Variants in SPATA16 observed in about 807,000 individuals in gnomAD.
The protein encoded by SPATA16 is spermatogenesis-associated protein 16.
A neutral mutation model predicts 63.3 loss-of-function variants in SPATA16; 36 were observed. The observed-to-expected ratio is 0.57, with a 90% confidence interval of 0.44 to 0.75. SPATA16 has a LOEUF of 0.75. Among genes scored for constraint, SPATA16 ranks in the 30% least tolerant of loss-of-function variants. The pLI is 0.00. For missense variants in SPATA16, 646 were observed against 679.3 expected (o/e 0.95, Z 0.54); for synonymous variants, 203 against 216.7 (o/e 0.94, Z 0.56).
chr3:173,006,894 G>T (rs1452454068), intron 4 of SPATA16, among the ~76,000 whole-genome samples: 2 of 151,898 alleles, frequency 1.3e-5, no homozygotes, highest in Non-Finnish European at 2.9e-5. Context: ...ATGGAACAAG[G>T]TATCTTGATA....
chr3:172,907,280 C>G (rs1421325705), intron 10 of SPATA16, among the ~76,000 whole-genome samples: 2 of 152,174 alleles, frequency 1.3e-5, no homozygotes, highest in Admixed American at 6.6e-5. Context: ...TAGTCTCCCT[C>G]TAAATCAGCC....
chr3:172,910,928 G>C (rs1041911034), intron 10 of SPATA16, among the ~76,000 whole-genome samples: 1 of 152,154 alleles, frequency 6.6e-6, no homozygotes, highest in South Asian at 2.1e-4. Flanking sequence ...GTGCACTTTC[G>C]TGCCAGTTGT....
At chr3:173,054,889 A>G (rs1399852279) in intron 2 of SPATA16, among the ~76,000 whole-genome samples, 2 of 152,206 alleles carry the variant, frequency 1.3e-5, no homozygotes, top group Non-Finnish European at 2.9e-5. Context: ...CCTCAACACA[A>G]TGAGAAAACT....
At chr3:172,905,752 T>C (rs1196254227) in intron 10 of SPATA16, among the ~76,000 whole-genome samples, 1 of 150,256 alleles carries the variant, frequency 6.7e-6, no homozygotes, top group East Asian at 1.9e-4. Context: ...TAAATTCATA[T>C]GGATGGTTTA....
chr3:173,060,084 C>T (rs1040517307), intron 2 of SPATA16, among the ~76,000 whole-genome samples: 6 of 151,574 alleles, frequency 4.0e-5, no homozygotes, highest in African/African-American at 7.3e-5. Context: ...TGGTGAAACC[C>T]GGTCTCTACT....
chr3:172,951,928 A>G (rs1334885735), intron 6 of SPATA16, among the ~76,000 whole-genome samples: 1 of 152,174 alleles, frequency 6.6e-6, no homozygotes, highest in Non-Finnish European at 1.5e-5. Context: ...AGATTGTACG[A>G]CCTTCATCTG....
intron 1 of SPATA16, among the ~76,000 whole-genome samples, chr3:173,128,978 A>G (rs1738300552): frequency 6.6e-6 from 1 of 152,248 alleles, no homozygotes; most frequent in Non-Finnish European, 1.5e-5. Flanking sequence ...CCAGAAAGAC[A>G]GAGGCTGCAT....
In SPATA16 at chr3:172,916,521, C is replaced by T. The variant is rs189647079; in HGVS notation, c.1339-40G>A. The T allele has an allele frequency of 4.6e-4, 739 of 1,608,190 alleles. 2 individuals carry two copies. The African/African-American group carries it at 8.7e-3, about 19-fold the overall frequency. ...AAAGAAATGTTTTAGAACAAAACCACGGAAATAGACCTCTCCCCAGGGCTG... is the reference window on the plus strand; with the variant it reads ...AAAGAAATGTTTTAGAACAAAACCATGGAAATAGACCTCTCCCCAGGGCTG... On this transcript the variant is annotated intron_variant, in intron 8 of 10. Coordinates refer to ENST00000351008, the MANE Select transcript of SPATA16 (RefSeq NM_031955.6).
chr3:173,130,580 A>G lies in SPATA16; in HGVS notation c.-19+10523T>C, dbSNP rs187362739. On this transcript the variant is annotated intron_variant, in intron 1 of 10. Coordinates refer to ENST00000351008, the MANE Select transcript of SPATA16 (RefSeq NM_031955.6). ...TTTCCATATGATTTGCCCGAGGATA[A>G]ACAGCACAATGTTGTATGGCACTTA... 2.0e-3 allele frequency among the ~76,000 whole-genome samples: 309 copies of G among 152,244 alleles called. 1 individual carries two copies. Among genetic ancestry groups the G allele is most frequent in the African/African-American group, 7.1e-3 (297 of 41,556 alleles).
intron 1 of SPATA16, among the ~76,000 whole-genome samples, chr3:173,126,341 A>C (rs181335726): frequency 2.0e-5 from 3 of 152,348 alleles, no homozygotes; most frequent in African/African-American, 7.2e-5. Context: ...CTGTGGCAGG[A>C]ATATGGAAGT....
In SPATA16 at chr3:172,941,340, C is replaced by T. The variant is rs375193972; in HGVS notation, c.1081+15337G>A. 9.9e-5 allele frequency among the ~76,000 whole-genome samples: 15 copies of T among 152,144 alleles called. 2 individuals are homozygous for T. The highest frequency in any genetic ancestry group is 3.3e-4 in the Admixed American group (5 of 15,290). ...TTCAGAATTTATGAAAGACTTGACC[C>T]CTTAGATTGTGAACACAGTGACCAA... On this transcript the variant is annotated intron_variant, in intron 6 of 10. Transcript: ENST00000351008.
At chr3:172,960,859 A>AACTT (rs1733732688) in intron 5 of SPATA16, among the ~76,000 whole-genome samples, 1 of 116,574 alleles carries the variant, frequency 8.6e-6, no homozygotes. Context: ...AGAATTATGT[A>AACTT]ACTTACTTTC....
intron 4 of SPATA16, among the ~76,000 whole-genome samples, chr3:172,997,458 AT>A (rs994484791): frequency 6.6e-5 from 10 of 150,732 alleles, no homozygotes; most frequent in African/African-American, 1.7e-4. Flanking sequence ...TTAAAATTAT[AT>A]TTTTTTTTAC....
At chr3:173,117,954 G>T (rs1165226330) in intron 1 of SPATA16, among the ~76,000 whole-genome samples, 1 of 152,170 alleles carries the variant, frequency 6.6e-6, no homozygotes, top group African/African-American at 2.4e-5. Context: ...ATAAGAATTT[G>T]TTGTAAACAC....
chr3:172,907,366 C>T (rs1376266401), intron 10 of SPATA16, among the ~76,000 whole-genome samples: 1 of 152,220 alleles, frequency 6.6e-6, no homozygotes, highest in African/African-American at 2.4e-5. Flanking sequence ...CATTATTGCT[C>T]TCACTGCAAT....
At chr3:172,918,697 C>T (rs898148991) in intron 8 of SPATA16, among the ~76,000 whole-genome samples, 3 of 152,006 alleles carry the variant, frequency 2.0e-5, no homozygotes, top group African/African-American at 7.2e-5. Context: ...AAGACTAAAT[C>T]TAAAGGCAGG....
At position 173,030,299 on chromosome 3, in the gene SPATA16, G is replaced by A. The variant is rs374062432; in HGVS notation, c.759-10724C>T. The stretch of plus-strand genomic sequence containing the variant: ...AAACAGAGTAACACAGCAGCCCACA[G>A]AATGGGAGAAAATATTTGCAAATCT... On this transcript the variant is annotated intron_variant, in intron 3 of 10. Transcript: ENST00000351008. Among the ~76,000 whole-genome samples, 9 of 152,172 alleles carry A rather than the reference G, an allele frequency of 5.9e-5. 1 individual carries two copies. The highest frequency in any genetic ancestry group is 1.3e-4 in the Admixed American group (2 of 15,256).
chr3:173,111,392 A>G (rs1737746839), intron 2 of SPATA16, among the ~76,000 whole-genome samples: 1 of 152,194 alleles, frequency 6.6e-6, no homozygotes. Context: ...CCTGGGTGAC[A>G]GAGCCAGACT....
intron 10 of SPATA16, among the ~76,000 whole-genome samples, chr3:172,895,865 G>C (rs1731998028): frequency 6.6e-6 from 1 of 152,068 alleles, no homozygotes; most frequent in Non-Finnish European, 1.5e-5. Flanking sequence ...ACAATAATTT[G>C]GGCTATTGTA....
Sources: allele counts gnomAD v4.1 joint callset (sites outside exome capture counted in the v4.1 genomes callset), GRCh38; gene constraint gnomAD v4.1.1; transcripts MANE v1.5; gene names NCBI Gene and HGNC (gene_info 2026-07-23, HGNC 2026-07-21).